The following TACR1 variants were observed in gnomAD, a reference collection of about 807,000 sequenced individuals.
TACR1 encodes the protein tachykinin receptor 1, also known as substance-P receptor.
A neutral mutation model predicts 35.8 loss-of-function variants in TACR1; 25 were observed. That is an observed-to-expected ratio of 0.70 (90% CI 0.51 to 0.98). The LOEUF is 0.98. Among genes scored for constraint, TACR1 ranks in the 50% least tolerant of loss-of-function variants. The pLI, the probability that TACR1 is intolerant of heterozygous loss-of-function variation, is 0.00. For synonymous variants in TACR1, 195 were observed against 206.7 expected (o/e 0.94, Z 0.48); for missense variants, 478 against 522.9 (o/e 0.91, Z 0.84).
intron 1 of TACR1, among the ~76,000 whole-genome samples, chr2:75,175,285 G>A (rs1280962496): frequency 1.3e-5 from 2 of 152,224 alleles, no homozygotes; most frequent in Middle Eastern, 3.4e-3. Context: ...ATTGTCCCAC[G>A]CCCCAAATGA....
rs868610986 is a variant in TACR1, at chr2:75,049,239, G to A, written c.*193C>T. On this transcript the variant is annotated 3_prime_UTR_variant, in exon 5 of 5. Coordinates refer to ENST00000305249, the MANE Select transcript of TACR1 (RefSeq NM_001058.4). ...TGATTTGGTTTGAGTCACACAGCAT[G>A]AGGGTGGCAAAGATAGGGAAGAATT... The A allele has an allele frequency of 3.2e-6, 2 of 629,484 alleles. No individual in the cohort carries two copies. Among genetic ancestry groups the A allele is most frequent in the African/African-American group, 3.7e-5 (2 of 54,464 alleles). The allele number at this position is 629,484 out of a possible 1,614,324, so 39.0% of individuals were successfully genotyped here.
intron 2 of TACR1, among the ~76,000 whole-genome samples, chr2:75,064,862 A>G (rs2103803830): frequency 6.6e-6 from 1 of 152,318 alleles, no homozygotes. Context: ...TGGGCAGGCC[A>G]GGGCTGGTGG....
intron 1 of TACR1, among the ~76,000 whole-genome samples, chr2:75,156,518 G>T (rs539592338): frequency 2.0e-5 from 3 of 150,944 alleles, no homozygotes. Context: ...CAGGAGAATG[G>T]TGTGAACCTG....
intron 2 of TACR1, among the ~76,000 whole-genome samples, chr2:75,064,122 A>G (rs995727017): frequency 1.7e-4 from 26 of 151,320 alleles, no homozygotes; most frequent in African/African-American, 6.3e-4. Flanking sequence ...AAAAGGGTGC[A>G]TTGCTAGGAA....
chr2:75,110,108 T>G (rs1199896203), intron 2 of TACR1, among the ~76,000 whole-genome samples: 1 of 152,056 alleles, frequency 6.6e-6, no homozygotes, highest in African/African-American at 2.4e-5. Context: ...AAGAAAAATC[T>G]TAAATGTATG....
At chr2:75,073,455 C>A (rs1444045179) in intron 2 of TACR1, among the ~76,000 whole-genome samples, 2 of 152,194 alleles carry the variant, frequency 1.3e-5, no homozygotes, top group Non-Finnish European at 1.5e-5. Flanking sequence ...GCAAGGGGAC[C>A]ATACATGAGG....
intron 1 of TACR1, among the ~76,000 whole-genome samples, chr2:75,151,268 A>G (rs1674663704): frequency 6.6e-6 from 1 of 152,250 alleles, no homozygotes; most frequent in African/African-American, 2.4e-5. Context: ...TCTCCAGGTC[A>G]TGTCAGAGAC....
At chr2:75,058,638 A>C (rs751202894) in intron 2 of TACR1, among the ~76,000 whole-genome samples, 5 of 152,230 alleles carry the variant, frequency 3.3e-5, no homozygotes, top group Non-Finnish European at 5.9e-5. Flanking sequence ...CCTGCTGATG[A>C]GCTTATCGGA....
chr2:75,110,756 A>G (rs1673734412), intron 2 of TACR1, among the ~76,000 whole-genome samples: 1 of 139,944 alleles, frequency 7.1e-6, no homozygotes, highest in Admixed American at 7.7e-5. Flanking sequence ...ATCTTTTATG[A>G]TTTGATATTT....
At chr2:75,065,098 G>A (rs3771808) in intron 2 of TACR1, among the ~76,000 whole-genome samples, 38,813 of 152,166 alleles carry the variant, frequency 0.26, 6,164 homozygotes, top group African/African-American at 0.41. Context: ...CCCCAGATAC[G>A]GAAATGTGAG....
At chr2:75,182,498 C>T (rs1025937580) in intron 1 of TACR1, among the ~76,000 whole-genome samples, 5 of 152,190 alleles carry the variant, frequency 3.3e-5, no homozygotes, top group Non-Finnish European at 5.9e-5. Context: ...AGCCATGCGC[C>T]ACAAAACAAT....
chr2:75,106,968 T>G (rs1673662181), intron 2 of TACR1, among the ~76,000 whole-genome samples: 1 of 151,638 alleles, frequency 6.6e-6, no homozygotes, highest in Non-Finnish European at 1.5e-5. Flanking sequence ...AAAAAGAATC[T>G]TAAGTTATGA....
intron 2 of TACR1, among the ~76,000 whole-genome samples, chr2:75,061,668 C>T (rs988679972): frequency 9.9e-5 from 15 of 152,278 alleles, no homozygotes; most frequent in African/African-American, 3.1e-4. Flanking sequence ...GTCCCAGAGT[C>T]GCCCTGTATC....
chr2:75,123,732 C>A (rs550890163), intron 1 of TACR1, among the ~76,000 whole-genome samples: 2 of 152,102 alleles, frequency 1.3e-5, no homozygotes, highest in African/African-American at 4.8e-5. Context: ...TTTCTTCTAT[C>A]CCTCTCTTGC....
At chr2:75,063,911 G>A (rs1458292615) in intron 2 of TACR1, among the ~76,000 whole-genome samples, 2 of 152,122 alleles carry the variant, frequency 1.3e-5, no homozygotes, top group South Asian at 4.1e-4. Context: ...TTACGAAGAA[G>A]GTTAGAGAAT....
intron 2 of TACR1, among the ~76,000 whole-genome samples, chr2:75,089,990 T>C (rs1303087642): frequency 6.6e-6 from 1 of 152,172 alleles, no homozygotes; most frequent in Non-Finnish European, 1.5e-5. Flanking sequence ...ACCATTCAAC[T>C]AATTGCCTGT....
intron 1 of TACR1, among the ~76,000 whole-genome samples, chr2:75,182,169 G>A (rs1011982273): frequency 6.6e-6 from 1 of 152,210 alleles, no homozygotes; most frequent in Non-Finnish European, 1.5e-5. Flanking sequence ...CAAGAAAGGG[G>A]AAAGCTAAGA....
chr2:75,179,117 C>T (rs1188591993), intron 1 of TACR1, among the ~76,000 whole-genome samples: 1 of 152,208 alleles, frequency 6.6e-6, no homozygotes, highest in Non-Finnish European at 1.5e-5. Context: ...AATGACTCCT[C>T]ATTTCTGTTC....
At chr2:75,093,961 G>A (rs971708591) in intron 2 of TACR1, among the ~76,000 whole-genome samples, 2 of 152,058 alleles carry the variant, frequency 1.3e-5, no homozygotes, top group Admixed American at 1.3e-4. Flanking sequence ...GATGTACTCA[G>A]GTCACACAGC....
Sources: allele counts gnomAD v4.1 joint callset (sites outside exome capture counted in the v4.1 genomes callset), GRCh38; gene constraint gnomAD v4.1.1; transcripts MANE v1.5; gene names NCBI Gene and HGNC (gene_info 2026-07-23, HGNC 2026-07-21).